LUZP2: variants seen among roughly 807,000 people sequenced by gnomAD.
The protein encoded by LUZP2 is leucine zipper protein 2.
A neutral mutation model predicts 51.6 loss-of-function variants in LUZP2; 52 were observed. The ratio of observed to expected loss-of-function variants is 1.01; its 90% CI spans 0.81 to 1.27. The LOEUF is 1.27. Among genes scored for constraint, LUZP2 ranks in the 50% most tolerant of loss-of-function variants. LUZP2 has a pLI of 0.00. For missense variants in LUZP2, 436 were observed against 395.4 expected (o/e 1.10, Z -0.87); for synonymous variants, 154 against 137.3 (o/e 1.12, Z -0.85).
chr11:25,025,716 C>A (rs566666370), intron 9 of LUZP2, among the ~76,000 whole-genome samples: 4 of 152,078 alleles, frequency 2.6e-5, no homozygotes, highest in East Asian at 3.9e-4. Flanking sequence ...TAGTTCAACC[C>A]TTGTGGAAGA....
intron 4 of LUZP2, among the ~76,000 whole-genome samples, chr11:24,761,059 A>T (rs963685333): frequency 6.6e-6 from 1 of 152,166 alleles, no homozygotes; most frequent in African/African-American, 2.4e-5. Flanking sequence ...TTATTTAGTT[A>T]TTCTTTACCC....
chr11:25,051,703 T>C (rs1451504197), intron 10 of LUZP2, among the ~76,000 whole-genome samples: 1 of 152,204 alleles, frequency 6.6e-6, no homozygotes. Context: ...GTTCAGGTTT[T>C]CAAATGTTTG....
At chr11:24,928,314 A>G (rs1290012567) in intron 7 of LUZP2, among the ~76,000 whole-genome samples, 1 of 152,040 alleles carries the variant, frequency 6.6e-6, no homozygotes, top group Non-Finnish European at 1.5e-5. Context: ...GTTTTGTTCC[A>G]GTTCTCAGGA....
rs1397845350 is a variant in LUZP2, at chr11:24,677,891, G to T, written c.63-51278G>T. ...TCTCTACTAAAAATACAAAAAATTA[G>T]CCGGGCATGGTGGCGGGCGCCTGTA... On this transcript the variant is annotated intron_variant, in intron 1 of 11. Coordinates refer to ENST00000336930, the MANE Select transcript of LUZP2 (RefSeq NM_001009909.4). Among the ~76,000 whole-genome samples the T allele has an allele frequency of 5.9e-5, 9 of 152,140 alleles. No homozygotes were observed. The East Asian group carries it at 1.8e-3, about 30-fold the overall frequency.
intron 7 of LUZP2, among the ~76,000 whole-genome samples, chr11:24,961,265 G>A (rs910487155): frequency 3.5e-4 from 54 of 152,206 alleles, no homozygotes; most frequent in Middle Eastern, 3.4e-3. Context: ...TATTAGGTCC[G>A]CTTGGTGCAG....
chr11:24,601,417 A>C (rs2133862887), intron 1 of LUZP2, among the ~76,000 whole-genome samples: 1 of 152,136 alleles, frequency 6.6e-6, no homozygotes. Context: ...AGGCAGAATT[A>C]GAAAACTAAT....
intron 1 of LUZP2, among the ~76,000 whole-genome samples, chr11:24,552,815 A>T (rs10767211): frequency 0.42 from 63,509 of 151,588 alleles, 13,803 homozygotes; most frequent in African/African-American, 0.51. Context: ...ACGCTGTTAG[A>T]TAATATGACA....
Position 24,566,647 on chromosome 11 carries a change from A to AC in LUZP2, c.62+69342_62+69343insC, listed in dbSNP as rs1852235781. Among the ~76,000 whole-genome samples, 5 of 143,644 alleles carry AC rather than the reference A, an allele frequency of 3.5e-5. No individual in the cohort carries two copies. The Admixed American group carries it at 3.6e-4, about 10-fold the overall frequency. The allele number at this position is 143,644 out of a possible 152,430, so 94.2% of individuals were successfully genotyped here. A position where few individuals can be genotyped will look rare whatever the true frequency, so the allele number is the denominator to read the frequency against. The stretch of plus-strand genomic sequence containing the variant: ...ATACACACACACACACACACACACA[A>AC]AAATTAGCTGGGCTTTAGCCTGAGA... On this transcript the variant is annotated intron_variant, in intron 1 of 11. Transcript: ENST00000336930.
At chr11:24,762,800 A>G (rs1031230605) in intron 4 of LUZP2, 1 of 156,144 alleles carries the variant, frequency 6.4e-6, no homozygotes, top group Non-Finnish European at 1.4e-5. Context: ...ACTATTCTTA[A>G]TGTCCCGTAG....
intron 1 of LUZP2, among the ~76,000 whole-genome samples, chr11:24,656,043 T>C (rs1428928311): frequency 6.6e-6 from 1 of 152,240 alleles, no homozygotes; most frequent in Admixed American, 6.5e-5. Context: ...AAAGTCGTTA[T>C]TCATTTCTCT....
intron 4 of LUZP2, among the ~76,000 whole-genome samples, chr11:24,754,697 C>T (rs1019935876): frequency 2.6e-5 from 4 of 152,196 alleles, no homozygotes; most frequent in Non-Finnish European, 5.9e-5. Flanking sequence ...GACAGTCCCA[C>T]TTCAGAACTT....
intron 9 of LUZP2, among the ~76,000 whole-genome samples, chr11:25,027,605 C>T (rs542035785): frequency 5.0e-4 from 76 of 152,244 alleles, no homozygotes; most frequent in African/African-American, 1.7e-3. Context: ...GGCACAGTGG[C>T]TCATGCCTGT....
In LUZP2 at chr11:24,954,710, C is replaced by A. The variant is rs1590769268; in HGVS notation, c.523-21881C>A. 5.9e-5 allele frequency among the ~76,000 whole-genome samples: 9 copies of A among 152,192 alleles called. No individual in the cohort carries two copies. The South Asian group carries it at 1.9e-3, about 32-fold the overall frequency. On this transcript the variant is annotated intron_variant, in intron 7 of 11. Coordinates refer to ENST00000336930, the MANE Select transcript of LUZP2 (RefSeq NM_001009909.4). ...ACTAACAGGACCCTGCTCCAGCATTCAGGGAAGAGTAACATTCTATTGGTG... is the reference window on the plus strand; with the variant it reads ...ACTAACAGGACCCTGCTCCAGCATTAAGGGAAGAGTAACATTCTATTGGTG...
intron 9 of LUZP2, among the ~76,000 whole-genome samples, chr11:25,038,264 C>T (rs1218494151): frequency 6.6e-6 from 1 of 151,982 alleles, no homozygotes; most frequent in Non-Finnish European, 1.5e-5. Flanking sequence ...ATTAGTAGAG[C>T]TTTGAGATTC....
intron 1 of LUZP2, among the ~76,000 whole-genome samples, chr11:24,656,777 C>A (rs2133973353): frequency 6.6e-6 from 1 of 152,324 alleles, no homozygotes; most frequent in South Asian, 2.1e-4. Flanking sequence ...CCTAAGTCCG[C>A]TTTGCGCTCC....
chr11:24,568,851 C>T lies in LUZP2; in HGVS notation c.62+71546C>T, dbSNP rs558335160. Among the ~76,000 whole-genome samples, 4 of 151,884 alleles carry T rather than the reference C, an allele frequency of 2.6e-5. No homozygotes were observed. The South Asian group carries it at 6.2e-4, about 24-fold the overall frequency. On this transcript the variant is annotated intron_variant, in intron 1 of 11. Transcript: ENST00000336930. The stretch of plus-strand genomic sequence containing the variant: ...TTATTTGATGGAGATGGTAAATAGC[C>T]GTTGCTTCTTTGAAATTTTGACCTA...
intron 1 of LUZP2, among the ~76,000 whole-genome samples, chr11:24,568,882 C>T (rs1852334347): frequency 6.6e-6 from 1 of 151,848 alleles, no homozygotes; most frequent in Non-Finnish European, 1.5e-5. Flanking sequence ...ACCTAAGAGA[C>T]ATAGTAATAC....
At chr11:24,927,775 A>G (rs1854322618) in intron 7 of LUZP2, among the ~76,000 whole-genome samples, 1 of 151,982 alleles carries the variant, frequency 6.6e-6, no homozygotes, top group African/African-American at 2.4e-5. Flanking sequence ...TTTGTGAAGA[A>G]TGATGGTGGT....
Position 24,859,326 on chromosome 11 carries a change from C to T in LUZP2, c.397-46665C>T, listed in dbSNP as rs146059039. Among the ~76,000 whole-genome samples the T allele has an allele frequency of 7.0e-3, 1,065 of 151,982 alleles. 13 individuals carry two copies. Among genetic ancestry groups the T allele is most frequent in the African/African-American group, 0.024 (1,005 of 41,432 alleles). ...AGTAGCTCATCATTATTTATGAAGC[C>T]CAAATTTGTCATTCATCCTACACTG... On this transcript the variant is annotated intron_variant, in intron 5 of 11. Coordinates refer to ENST00000336930, the MANE Select transcript of LUZP2 (RefSeq NM_001009909.4).
Sources: gnomAD v4.1 joint callset for allele counts (sites outside exome capture counted in the v4.1 genomes callset) on GRCh38, gnomAD v4.1.1 for gene constraint, MANE v1.5 for transcripts, NCBI Gene and HGNC (gene_info 2026-07-23, HGNC 2026-07-21) for gene names.